Variants in DMXL2 observed in about 807,000 individuals in gnomAD.
The protein encoded by DMXL2 is dmX-like protein 2.
Under a neutral mutation model 331.1 loss-of-function variants are expected in DMXL2, and 103 were observed. That is an observed-to-expected ratio of 0.31 (90% CI 0.27 to 0.37). The LOEUF (loss-of-function observed/expected upper bound fraction) is 0.37, where lower values mean the gene tolerates loss of function less well. Among genes scored for constraint, DMXL2 ranks in the 10% least tolerant of loss-of-function variants. The pLI is 1.00. For missense variants in DMXL2, 3,171 were observed against 3,642.9 expected, an observed-to-expected ratio of 0.87 and a Z score of 3.33; for synonymous variants, 1,281 against 1,252.1, an observed-to-expected ratio of 1.02 and a Z score of -0.49.
At chr15:51,571,496 C>T (rs951603219) in intron 2 of DMXL2, among the ~76,000 whole-genome samples, 1 of 152,070 alleles carries the variant, frequency 6.6e-6, no homozygotes, top group Non-Finnish European at 1.5e-5. Flanking sequence ...TTCTCAGCAC[C>T]ACATCACACT....
intron 1 of DMXL2, among the ~76,000 whole-genome samples, chr15:51,588,161 G>T (rs572189978): frequency 2.4e-4 from 34 of 141,436 alleles, no homozygotes; most frequent in East Asian, 1.4e-3. Flanking sequence ...TTGTTTAGGG[G>T]TTTTTTTTTT....
At chr15:51,587,657 G>A (rs183981184) in intron 1 of DMXL2, among the ~76,000 whole-genome samples, 113 of 152,306 alleles carry the variant, frequency 7.4e-4, no homozygotes, top group African/African-American at 2.6e-3. Context: ...ATAGCAGCAT[G>A]ATTTATAAAC....
At chr15:51,480,415 TAA>T in intron 24 of DMXL2, 125 bp downstream of exon 24, 1 of 1,207,580 alleles carries the variant, frequency 8.3e-7, no homozygotes, top group South Asian at 2.1e-5. Flanking sequence ...CTGCCTCCTA[TAA>T]AGAGAGGAGC....
chr15:51,469,375 T>G (rs1332995692), intron 29 of DMXL2, among the ~76,000 whole-genome samples: 2 of 152,324 alleles, frequency 1.3e-5, no homozygotes, highest in South Asian at 2.1e-4. Flanking sequence ...TCTCCTTTTG[T>G]GTATGTTGGA....
chr15:51,603,248 A>G (rs964367975), intron 1 of DMXL2, among the ~76,000 whole-genome samples: 1 of 152,200 alleles, frequency 6.6e-6, no homozygotes, highest in Non-Finnish European at 1.5e-5. Flanking sequence ...AATTACCAAT[A>G]TCAAGAATAA....
chr15:51,471,708 A>C (rs1004980171), intron 28 of DMXL2, among the ~76,000 whole-genome samples: 13 of 152,318 alleles, frequency 8.5e-5, no homozygotes, highest in African/African-American at 3.1e-4. Flanking sequence ...TGATTGACTG[A>C]TTATCCCTGG....
chr15:51,531,431 A>G (rs1009282435), intron 13 of DMXL2, among the ~76,000 whole-genome samples: 2 of 152,198 alleles, frequency 1.3e-5, no homozygotes, highest in Non-Finnish European at 2.9e-5. Context: ...TGAAACTACT[A>G]CAAGATAACA....
At chr15:51,587,346 A>G (rs9708186) in intron 1 of DMXL2, among the ~76,000 whole-genome samples, 72,244 of 150,926 alleles carry the variant, frequency 0.48, 17,632 homozygotes, top group Non-Finnish European at 0.52. Flanking sequence ...AGGTCCCGGT[A>G]TGTGATGTTC....
intron 1 of DMXL2, among the ~76,000 whole-genome samples, chr15:51,602,365 C>T (rs2053286700): frequency 6.6e-6 from 1 of 152,050 alleles, no homozygotes; most frequent in Admixed American, 6.6e-5. Flanking sequence ...ATATCACAGC[C>T]CCCAAATAAT....
rs560374212 is a variant in DMXL2 at position 51,509,397 on chromosome 15, T to A, written c.2645-2144A>T. ...GCTATCATCACTGATCCCACAGAAATAAACACTACCATCAGAGAATACTAT... is the reference window on the plus strand; with the variant it reads ...GCTATCATCACTGATCCCACAGAAAAAAACACTACCATCAGAGAATACTAT... On this transcript the variant is annotated intron_variant, in intron 15 of 43. Coordinates refer to ENST00000560891, the MANE Select transcript of DMXL2 (RefSeq NM_001378457.1). Among the ~76,000 whole-genome samples, 7 of 152,128 alleles carry A rather than the reference T, an allele frequency of 4.6e-5. No homozygotes were observed. The South Asian group carries it at 1.5e-3, about 32-fold the overall frequency.
intron 23 of DMXL2, among the ~76,000 whole-genome samples, chr15:51,485,555 T>C (rs1488649033): frequency 1.3e-5 from 2 of 152,224 alleles, no homozygotes; most frequent in African/African-American, 4.8e-5. Context: ...TATTAACATA[T>C]GTATCTACCT....
chr15:51,575,032 T>TG (rs1868930497), intron 2 of DMXL2, among the ~76,000 whole-genome samples: 1 of 151,886 alleles, frequency 6.6e-6, no homozygotes, highest in Non-Finnish European at 1.5e-5. Flanking sequence ...TGCTTGAGGG[T>TG]GGGGAGTACC....
At chr15:51,478,378 G>T (rs374624086) in intron 25 of DMXL2, 31 bp from the exon 26 acceptor site, 3 of 1,580,836 alleles carry the variant, frequency 1.9e-6, no homozygotes, top group Non-Finnish European at 2.6e-6. Flanking sequence ...ATTACATTTT[G>T]TACTAACATT....
chr15:51,528,780 A>T (rs2047831134), intron 13 of DMXL2, among the ~76,000 whole-genome samples: 1 of 152,078 alleles, frequency 6.6e-6, no homozygotes, highest in South Asian at 2.1e-4. Context: ...TATTTACAGA[A>T]CATTTCATCC....
intron 6 of DMXL2, among the ~76,000 whole-genome samples, chr15:51,550,913 T>TA (rs2049175970): frequency 6.6e-6 from 1 of 152,108 alleles, no homozygotes; most frequent in South Asian, 2.1e-4. Context: ...AAATAGATCT[T>TA]ACCAGCCAAA....
chr15:51,591,379 T>C (rs1402804474), intron 1 of DMXL2, among the ~76,000 whole-genome samples: 1 of 152,058 alleles, frequency 6.6e-6, no homozygotes, highest in Non-Finnish European at 1.5e-5. Context: ...GCAGTGCGGC[T>C]GGGGGAGGGG....
At chr15:51,593,809 A>G (rs956613860) in intron 1 of DMXL2, among the ~76,000 whole-genome samples, 5 of 152,234 alleles carry the variant, frequency 3.3e-5, no homozygotes, top group Non-Finnish European at 7.3e-5. Flanking sequence ...CTGCTCCTGA[A>G]TGACTACTGG....
At chr15:51,572,205 G>T (rs146332816) in intron 2 of DMXL2, among the ~76,000 whole-genome samples, 5,531 of 144,322 alleles carry the variant, frequency 0.038, 302 homozygotes, top group East Asian at 0.09. Flanking sequence ...TAAATTCCTG[G>T]ACACATACAC....
chr15:51,485,941 A>C (rs1489495827), intron 23 of DMXL2, 132 bp downstream of exon 23: 12 of 950,770 alleles, frequency 1.3e-5, no homozygotes, highest in Non-Finnish European at 1.6e-5. Flanking sequence ...GACACACAAG[A>C]AATTTTAATA....
Sources: gnomAD v4.1 joint callset for allele counts (sites outside exome capture counted in the v4.1 genomes callset) on GRCh38, gnomAD v4.1.1 for gene constraint, MANE v1.5 for transcripts, NCBI Gene and HGNC (gene_info 2026-07-23, HGNC 2026-07-21) for gene names.